Variants in SPOCK3 observed in about 807,000 individuals in gnomAD.
SPOCK3 encodes testican-3.
In SPOCK3, 30 loss-of-function variants were observed where a neutral mutation model predicts 56.6. That is an observed-to-expected ratio of 0.53 (90% CI 0.40 to 0.72). The LOEUF is 0.72. Ranked by LOEUF, SPOCK3 falls within the 30% of genes least tolerant of loss-of-function variation. SPOCK3 has a pLI of 0.00. For synonymous variants in SPOCK3, 196 were observed against 183.3 expected (o/e 1.07, Z -0.56); for missense variants, 527 against 530.0 (o/e 0.99, Z 0.06).
intron 3 of SPOCK3, among the ~76,000 whole-genome samples, chr4:167,043,177 T>C (rs1234392969): frequency 2.0e-5 from 3 of 152,094 alleles, no homozygotes; most frequent in Admixed American, 6.6e-5. Flanking sequence ...CTGCTTTTCT[T>C]ATAGAAAGCT....
At chr4:166,845,495 G>GA (rs535970878) in intron 6 of SPOCK3, among the ~76,000 whole-genome samples, 17 of 151,478 alleles carry the variant, frequency 1.1e-4, no homozygotes, top group African/African-American at 2.4e-4. Flanking sequence ...TCATATTTCA[G>GA]AAAAAAAATA....
At chr4:167,059,960 C>T (rs1561173011) in intron 3 of SPOCK3, among the ~76,000 whole-genome samples, 1 of 150,692 alleles carries the variant, frequency 6.6e-6, no homozygotes, top group Non-Finnish European at 1.5e-5. Context: ...AATGCGAACA[C>T]ATGGACACAG....
chr4:166,768,449 C>CATT (rs1560836040), intron 7 of SPOCK3, among the ~76,000 whole-genome samples: 8 of 152,046 alleles, frequency 5.3e-5, no homozygotes, highest in Non-Finnish European at 1.2e-4. Context: ...ACTTATGAAG[C>CATT]TAGTTTGGCT....
At chr4:166,824,043 T>C (rs1745202703) in intron 6 of SPOCK3, among the ~76,000 whole-genome samples, 1 of 151,918 alleles carries the variant, frequency 6.6e-6, no homozygotes, top group South Asian at 2.1e-4. Context: ...CTTGCCCTGC[T>C]CCTGAGTGAC....
chr4:166,742,067 G>A lies in SPOCK3; in HGVS notation c.932-8C>T, dbSNP rs763989605. The A allele has an allele frequency of 5.6e-6, 9 of 1,607,134 alleles. No individual in the cohort carries two copies. In the East Asian group the frequency reaches 2.0e-4, roughly 36 times the overall value. ...CAGTCTGGCAAGGTGGGTCTGCAAT[G>A]ACATTAAAAATGTTACTTCAAGGAT... On this transcript the variant is annotated splice_polypyrimidine_tract_variant and splice_region_variant and intron_variant, in intron 8 of 10. Transcript: ENST00000357545.
chr4:167,105,613 A>G (rs1316172375), intron 2 of SPOCK3, among the ~76,000 whole-genome samples: 2 of 151,758 alleles, frequency 1.3e-5, no homozygotes, highest in African/African-American at 2.4e-5. Flanking sequence ...TTATTTATCA[A>G]TAATAACATT....
intron 2 of SPOCK3, among the ~76,000 whole-genome samples, chr4:167,219,164 C>T (rs192502438): frequency 2.0e-5 from 3 of 152,106 alleles, no homozygotes; most frequent in Non-Finnish European, 4.4e-5. Context: ...CAGGGACATC[C>T]GAGGAGAATA....
chr4:167,156,730 T>C (rs1764850541), intron 2 of SPOCK3, among the ~76,000 whole-genome samples: 1 of 152,130 alleles, frequency 6.6e-6, no homozygotes, highest in Non-Finnish European at 1.5e-5. Flanking sequence ...CCCTAAAGCA[T>C]GATCAGCTAT....
At chr4:167,004,268 T>G (rs951734297) in intron 3 of SPOCK3, among the ~76,000 whole-genome samples, 1 of 152,030 alleles carries the variant, frequency 6.6e-6, no homozygotes, top group Non-Finnish European at 1.5e-5. Context: ...TTAGGTAAGT[T>G]TTACAAGAAT....
intron 4 of SPOCK3, among the ~76,000 whole-genome samples, chr4:166,991,343 A>ATTTATT (rs1747761951): frequency 6.3e-5 from 9 of 142,838 alleles, no homozygotes; most frequent in East Asian, 2.1e-4. Context: ...TTTTGTTTTT[A>ATTTATT]TATTTATTTA....
chr4:166,845,624 G>A (rs1747980815), intron 6 of SPOCK3, among the ~76,000 whole-genome samples: 1 of 152,162 alleles, frequency 6.6e-6, no homozygotes, highest in South Asian at 2.1e-4. Flanking sequence ...AGGGTTGGGA[G>A]CTCAGTTTGC....
chr4:167,205,947 T>C (rs544279035), intron 2 of SPOCK3, among the ~76,000 whole-genome samples: 1 of 152,196 alleles, frequency 6.6e-6, no homozygotes, highest in East Asian at 1.9e-4. Flanking sequence ...CTTAGGTTTT[T>C]ATTTTGAGTT....
chr4:166,826,477 G>C (rs1745494213), intron 6 of SPOCK3, among the ~76,000 whole-genome samples: 1 of 151,962 alleles, frequency 6.6e-6, no homozygotes, highest in Non-Finnish European at 1.5e-5. Flanking sequence ...CAAATAACAA[G>C]AAAGAGCAAT....
chr4:166,959,138 G>T (rs1743845911), intron 4 of SPOCK3, among the ~76,000 whole-genome samples: 1 of 152,142 alleles, frequency 6.6e-6, no homozygotes, highest in South Asian at 2.1e-4. Flanking sequence ...TGCAGATGTG[G>T]GTTGCTCATT....
intron 3 of SPOCK3, among the ~76,000 whole-genome samples, chr4:167,028,560 G>C (rs1028002915): frequency 6.6e-6 from 1 of 151,940 alleles, no homozygotes; most frequent in Non-Finnish European, 1.5e-5. Flanking sequence ...CTTGCTATTC[G>C]TGTCTATCAT....
At chr4:166,958,265 C>G (rs750351850) in intron 4 of SPOCK3, among the ~76,000 whole-genome samples, 1 of 152,152 alleles carries the variant, frequency 6.6e-6, no homozygotes, top group South Asian at 2.1e-4. Flanking sequence ...GTGTGATGAG[C>G]CTGCTCCCCC....
intron 2 of SPOCK3, among the ~76,000 whole-genome samples, chr4:167,140,005 C>A (rs534897652): frequency 6.6e-6 from 1 of 151,788 alleles, no homozygotes. Flanking sequence ...GATACCTGAA[C>A]GAGTTTGCCA....
chr4:167,088,651 G>C (rs1758422827), intron 2 of SPOCK3, among the ~76,000 whole-genome samples: 1 of 151,736 alleles, frequency 6.6e-6, no homozygotes, highest in Non-Finnish European at 1.5e-5. Flanking sequence ...TTTTAGTAGA[G>C]ATGGGATTTC....
At chr4:167,232,360 A>C (rs983859761) in intron 2 of SPOCK3, among the ~76,000 whole-genome samples, 11 of 147,018 alleles carry the variant, frequency 7.5e-5, no homozygotes, top group African/African-American at 2.8e-4. Context: ...AAAAAAAAAA[A>C]AACCCAAAAC....
Sources: allele counts gnomAD v4.1 joint callset (sites outside exome capture counted in the v4.1 genomes callset), GRCh38; gene constraint gnomAD v4.1.1; transcripts MANE v1.5; gene names NCBI Gene and HGNC (gene_info 2026-07-23, HGNC 2026-07-21).